Variants in SCML4 observed in about 807,000 individuals in gnomAD.
SCML4 encodes the protein sex comb on midleg-like protein 4.
Under a neutral mutation model 41.1 loss-of-function variants are expected in SCML4, and 34 were observed. The observed-to-expected ratio is 0.83, with a 90% CI of 0.63 to 1.10. The LOEUF (loss-of-function observed/expected upper bound fraction) is 1.10. SCML4 is among the 50% of genes least tolerant of loss of function. The pLI is 0.00. For missense variants in SCML4, 522 were observed against 534.1 expected (o/e 0.98, Z 0.22); for synonymous variants, 214 against 220.9 (o/e 0.97, Z 0.28).
At chr6:107,819,279 T>C (rs965479806) in intron 1 of SCML4, among the ~76,000 whole-genome samples, 18 of 54,064 alleles carry the variant, frequency 3.3e-4, no homozygotes, top group African/African-American at 7.8e-4. Flanking sequence ...CACATGTCTT[T>C]AGGATTACTT....
intron 1 of SCML4, among the ~76,000 whole-genome samples, chr6:107,799,209 GTA>G (rs1248065831): frequency 6.6e-6 from 1 of 152,068 alleles, no homozygotes; most frequent in Non-Finnish European, 1.5e-5. Context: ...CTTTATTTCT[GTA>G]TGTTTTTGCT....
chr6:107,755,278 A>C (rs538447462), intron 2 of SCML4, among the ~76,000 whole-genome samples: 1 of 152,342 alleles, frequency 6.6e-6, no homozygotes, highest in Admixed American at 6.5e-5. Context: ...TCTCTAAAAC[A>C]ACTGCTAGAA....
At chr6:107,825,661 C>A (rs1364537369), upstream of SCML4, among the ~76,000 whole-genome samples, 2 of 152,152 alleles carry the variant, frequency 1.3e-5, no homozygotes, top group African/African-American at 4.8e-5. Flanking sequence ...GATGGATGGG[C>A]CAGGTGCAGT....
At chr6:107,752,335 G>A (rs1398580559) in intron 2 of SCML4, among the ~76,000 whole-genome samples, 1 of 152,034 alleles carries the variant, frequency 6.6e-6, no homozygotes, top group Non-Finnish European at 1.5e-5. Flanking sequence ...CTAGGCAGTT[G>A]CATCTAGTAG....
chr6:107,797,043 C>G (rs1376957408), intron 1 of SCML4, among the ~76,000 whole-genome samples: 1 of 152,034 alleles, frequency 6.6e-6, no homozygotes, highest in Non-Finnish European at 1.5e-5. Flanking sequence ...TATACTTATG[C>G]CAATTCCAAA....
chr6:107,733,966 C>T (rs2049661), intron 5 of SCML4, among the ~76,000 whole-genome samples: 32,478 of 152,094 alleles, frequency 0.21, 3,796 homozygotes, highest in African/African-American at 0.3. Flanking sequence ...TAATGGCTCA[C>T]GGAGAATCGA....
chr6:107,717,808 A>G (rs1287794712), intron 6 of SCML4, among the ~76,000 whole-genome samples: 1 of 152,220 alleles, frequency 6.6e-6, no homozygotes, highest in Non-Finnish European at 1.5e-5. Context: ...TTGGCCTCCC[A>G]AAGTGGTGGG....
chr6:107,715,848 G>C (rs1281758426), intron 6 of SCML4, among the ~76,000 whole-genome samples: 1 of 152,186 alleles, frequency 6.6e-6, no homozygotes, highest in African/African-American at 2.4e-5. Context: ...ATTTTGATTA[G>C]TACCATGGGG....
intron 5 of SCML4, among the ~76,000 whole-genome samples, chr6:107,723,741 A>G (rs1294646257): frequency 1.3e-5 from 2 of 152,194 alleles, no homozygotes; most frequent in Non-Finnish European, 2.9e-5. Flanking sequence ...AATAATACTA[A>G]TTCTTTACAA....
chr6:107,708,254 C>G (rs1313122952), intron 6 of SCML4, among the ~76,000 whole-genome samples: 1 of 152,216 alleles, frequency 6.6e-6, no homozygotes, highest in African/African-American at 2.4e-5. Context: ...GCTCTCTGCT[C>G]TCCCAGGAGA....
Position 107,733,149 on chromosome 6 carries a change from T to TGA in SCML4, c.682+11799_682+11800insTC, listed in dbSNP as rs368420250. Among the ~76,000 whole-genome samples the TGA allele has an allele frequency of 4.0e-3, 610 of 152,360 alleles. 1 individual carries two copies. Among genetic ancestry groups the TGA allele is most frequent in the African/African-American group, 0.01 (434 of 41,584 alleles). ...GAGAGATTCAGAACCAGAAGGCCTGTGGCTGCACCTGGTCCCCTGACCCAC... is the reference window on the plus strand; with the variant it reads ...GAGAGATTCAGAACCAGAAGGCCTGTGAGGCTGCACCTGGTCCCCTGACCCAC... On this transcript the variant is annotated intron_variant, in intron 5 of 7. Transcript: ENST00000369020.
At chr6:107,790,531 G>A (rs894617946) in intron 1 of SCML4, among the ~76,000 whole-genome samples, 2 of 152,126 alleles carry the variant, frequency 1.3e-5, no homozygotes, top group South Asian at 4.1e-4. Flanking sequence ...AAGGTCTCCT[G>A]GGGCCATGCA....
intron 1 of SCML4, among the ~76,000 whole-genome samples, chr6:107,815,172 C>T (rs567508828): frequency 1.2e-4 from 18 of 152,252 alleles, no homozygotes; most frequent in Admixed American, 5.9e-4. Context: ...AGGTGCTCAA[C>T]AGTGATGGTA....
chr6:107,841,192 G>A, the SCML4 span, among the ~76,000 whole-genome samples: 1 of 151,852 alleles, frequency 6.6e-6, no homozygotes, highest in African/African-American at 2.4e-5. Flanking sequence ...GGGAGAGGTG[G>A]GATGCACCTG....
chr6:107,789,413 G>A (rs927608541), intron 1 of SCML4, among the ~76,000 whole-genome samples: 4 of 152,040 alleles, frequency 2.6e-5, no homozygotes, highest in South Asian at 2.1e-4. Flanking sequence ...CCACTGCCCC[G>A]CATAAACACA....
At chr6:107,817,416 A>G (rs1394265990) in intron 1 of SCML4, among the ~76,000 whole-genome samples, 2 of 152,142 alleles carry the variant, frequency 1.3e-5, no homozygotes, top group African/African-American at 4.8e-5. Context: ...CAGGAGCTTG[A>G]GACCAGCCTG....
chr6:107,811,378 T>G (rs1384617239), intron 1 of SCML4, among the ~76,000 whole-genome samples: 1 of 152,192 alleles, frequency 6.6e-6, no homozygotes. Flanking sequence ...TGATTGCATT[T>G]TGTGGTTCCT....
At chr6:107,792,639 G>A (rs1309931397) in intron 1 of SCML4, among the ~76,000 whole-genome samples, 1 of 151,910 alleles carries the variant, frequency 6.6e-6, no homozygotes, top group Admixed American at 6.6e-5. Flanking sequence ...AGCTGAGGCA[G>A]GAGAATCGCT....
chr6:107,711,561 G>A (rs945719508), intron 6 of SCML4, among the ~76,000 whole-genome samples: 55 of 152,266 alleles, frequency 3.6e-4, no homozygotes, highest in African/African-American at 1.2e-3. Context: ...ATGACCTAAG[G>A]ATGCATTTCC....
Sources: allele counts gnomAD v4.1 joint callset (sites outside exome capture counted in the v4.1 genomes callset), GRCh38; gene constraint gnomAD v4.1.1; transcripts MANE v1.5; gene names NCBI Gene and HGNC (gene_info 2026-07-23, HGNC 2026-07-21).